The following AP4E1 variants were observed in gnomAD, a reference collection of about 807,000 sequenced individuals.
AP4E1 encodes adaptor related protein complex 4 subunit epsilon 1.
AP4E1 carries 56 observed loss-of-function variants against 128.2 expected under a neutral mutation model. The observed-to-expected ratio is 0.44, with a 90% CI of 0.35 to 0.55. The LOEUF (loss-of-function observed/expected upper bound fraction) is 0.55. Ranked by LOEUF, AP4E1 falls within the 20% of genes least tolerant of loss-of-function variation. AP4E1 has a pLI of 0.00. For missense variants in AP4E1, 1,324 were observed against 1,307.7 expected (o/e 1.01, Z -0.19); for synonymous variants, 484 against 473.1 (o/e 1.02, Z -0.30).
chr15:50,966,329 T>C (rs1469929441), intron 14 of AP4E1, among the ~76,000 whole-genome samples: 1 of 152,242 alleles, frequency 6.6e-6, no homozygotes, highest in African/African-American at 2.4e-5. Context: ...GTATTCATTT[T>C]GAACATTTCT....
At chr15:50,968,188 A>G in intron 14 of AP4E1, 75 bp from the exon 15 acceptor site, 1 of 1,009,590 alleles carries the variant, frequency 9.9e-7, no homozygotes, top group Non-Finnish European at 1.5e-6. Flanking sequence ...TATGGGCTGA[A>G]ATTATTTATG....
chr15:50,941,695 C>G lies in AP4E1; in HGVS notation c.1096C>G (p.Gln366Glu). Residue 366 changes from glutamine (Q) to glutamate (E), a missense_variant, in exon 10 of 21, where the codon CAG becomes GAG. Transcript: ENST00000261842. ...GLKALTYVIQ[Q>E]DPTLALQHQM... The stretch of plus-strand genomic sequence containing the variant: ...GAAGGCTCTTACCTATGTTATCCAA[C>G]AGGATCCTACTCTGGCTCTTCAACA... 6.2e-7 allele frequency: 1 copy of G among 1,613,622 alleles called. No homozygotes were observed.
intron 14 of AP4E1, among the ~76,000 whole-genome samples, chr15:50,961,709 A>G (rs2064316651): frequency 6.6e-6 from 1 of 152,074 alleles, no homozygotes; most frequent in Non-Finnish European, 1.5e-5. Flanking sequence ...AAGGATGCCC[A>G]CTTTCATCAC....
chr15:50,978,059 G>A (rs1206171197), intron 15 of AP4E1, among the ~76,000 whole-genome samples: 1 of 152,114 alleles, frequency 6.6e-6, no homozygotes, highest in Non-Finnish European at 1.5e-5. Context: ...GCAGAGAGTA[G>A]TAGTTAAATG....
At chr15:50,995,687 C>T (rs1411050838) in intron 17 of AP4E1, among the ~76,000 whole-genome samples, 2 of 151,990 alleles carry the variant, frequency 1.3e-5, no homozygotes, top group Non-Finnish European at 2.9e-5. Context: ...TGCCCGGCCT[C>T]ACCTTCATTT....
intron 3 of AP4E1, among the ~76,000 whole-genome samples, chr15:50,917,741 T>C (rs1186887885): frequency 6.6e-6 from 1 of 152,150 alleles, no homozygotes; most frequent in Non-Finnish European, 1.5e-5. Flanking sequence ...TACTTACAGA[T>C]GAATAACTTA....
intron 8 of AP4E1, 26 bp from the exon 9 acceptor site, chr15:50,941,416 T>C (rs2063985542): frequency 6.2e-7 from 1 of 1,608,580 alleles, no homozygotes; most frequent in African/African-American, 1.3e-5. Context: ...CCATGATACC[T>C]GCCATTTTTA....
At chr15:50,931,633 A>G (rs1372589008) in intron 7 of AP4E1, among the ~76,000 whole-genome samples, 1 of 152,158 alleles carries the variant, frequency 6.6e-6, no homozygotes, top group Admixed American at 6.5e-5. Context: ...TGTTTTTTGC[A>G]TCTATTCGAC....
At chr15:50,911,952 C>T (rs1415505641) in intron 1 of AP4E1, 126 bp from the exon 2 acceptor site, 16 of 805,966 alleles carry the variant, frequency 2.0e-5, no homozygotes, top group Non-Finnish European at 6.2e-6. Flanking sequence ...GTATTTGTAA[C>T]TCTCCTTTAA....
chr15:50,911,178 A>G (rs2063562548), intron 1 of AP4E1, among the ~76,000 whole-genome samples: 1 of 152,150 alleles, frequency 6.6e-6, no homozygotes, highest in Non-Finnish European at 1.5e-5. Context: ...GTAGCATGAT[A>G]TTAGCCAAAA....
At chr15:51,001,625 T>C (rs552820588) in intron 20 of AP4E1, among the ~76,000 whole-genome samples, 37 of 152,340 alleles carry the variant, frequency 2.4e-4, no homozygotes, top group African/African-American at 8.9e-4. Flanking sequence ...TGTCCCTTTG[T>C]ATCTGGCTTA....
At chr15:50,992,909 A>C (rs2064823517) in intron 16 of AP4E1, among the ~76,000 whole-genome samples, 1 of 152,220 alleles carries the variant, frequency 6.6e-6, no homozygotes, top group African/African-American at 2.4e-5. Context: ...TATACATAGG[A>C]GTAAATTTGA....
In AP4E1 at chr15:50,997,804, T is replaced by C; in HGVS notation, c.2825T>C (p.Met942Thr). Residue 942 changes from methionine (M) to threonine (T), a missense_variant, in exon 18 of 21, where the codon ATG (methionine) becomes ACG (threonine). Transcript: ENST00000261842. ...ATTTGGAAAGATGATTGTTTATTGA[T>C]GGTCTGGTCAGTCACTAATAAGAGT... Reference protein sequence around the residue: ...YKIWKDDCLLMVWSVTNKSGL... With the variant: ...YKIWKDDCLLTVWSVTNKSGL... 2.5e-6 allele frequency: 4 copies of C among 1,607,542 alleles called. No individual in the cohort carries two copies. Among genetic ancestry groups the C allele is most frequent in the Non-Finnish European group, 3.4e-6 (4 of 1,176,062 alleles).
At chr15:50,934,483 G>A (rs1450115268) in intron 7 of AP4E1, 141 bp from the exon 8 acceptor site, 1 of 628,650 alleles carries the variant, frequency 1.6e-6, no homozygotes, top group East Asian at 3.0e-5. Context: ...TTTAAGAAGT[G>A]AAATTTCCAT....
chr15:50,941,488 A>G lies in AP4E1; in HGVS notation c.990A>G (p.Lys330=), dbSNP rs905461454. The change falls in exon 9 of 21, where the codon AAA becomes AAG. Residue 330 remains lysine (K), a synonymous_variant. Coordinates refer to ENST00000261842, the MANE Select transcript of AP4E1 (RefSeq NM_007347.5). The part of the protein sequence containing the change: ...CVHTVYSIYP[K]SELLEKAAKC... ...ATACAGTCTATTCTATTTATCCTAA[A>G]TCGGAATTACTTGAGAAGGCTGCCA... 1.7e-5 allele frequency: 27 copies of G among 1,613,088 alleles called. No individual in the cohort carries two copies. The highest frequency in any genetic ancestry group is 2.3e-5 in the Non-Finnish European group (27 of 1,179,490).
chr15:50,960,587 AATTC>A (rs2064298772), intron 14 of AP4E1, among the ~76,000 whole-genome samples: 1 of 152,230 alleles, frequency 6.6e-6, no homozygotes, highest in East Asian at 1.9e-4. Context: ...TAAAAATGGA[AATTC>A]AGACACAACT....
intron 16 of AP4E1, among the ~76,000 whole-genome samples, chr15:50,984,709 G>A (rs1015806723): frequency 2.6e-5 from 4 of 152,052 alleles, no homozygotes; most frequent in African/African-American, 9.7e-5. Flanking sequence ...GTCTATCATT[G>A]ATGGACATTT....
intron 13 of AP4E1, 148 bp downstream of exon 13, chr15:50,950,317 A>G (rs2064132000): frequency 1.7e-6 from 1 of 600,416 alleles, no homozygotes; most frequent in Non-Finnish European, 2.9e-6. Context: ...TCACTTAACT[A>G]TTTACTTTGT....
At chr15:51,001,290 A>G (rs2064959760) in intron 20 of AP4E1, 107 bp downstream of exon 20, 2 of 1,049,532 alleles carry the variant, frequency 1.9e-6, no homozygotes, top group Admixed American at 2.4e-5. Context: ...TTTATTTCCT[A>G]TTATGACTGT....
Sources: gnomAD v4.1 joint callset for allele counts (sites outside exome capture counted in the v4.1 genomes callset) on GRCh38, gnomAD v4.1.1 for gene constraint, MANE v1.5 for transcripts, NCBI Gene and HGNC (gene_info 2026-07-23, HGNC 2026-07-21) for gene names.